The following SGIP1 variants were observed in gnomAD, a reference collection of about 807,000 sequenced individuals.
The protein encoded by SGIP1 is SH3-containing GRB2-like protein 3-interacting protein 1.
SGIP1 carries 38 observed loss-of-function variants against 107.5 expected under a neutral mutation model. That is an observed-to-expected ratio of 0.35 (90% CI 0.27 to 0.46). The LOEUF is 0.46. SGIP1 is among the 20% of genes least tolerant of loss of function. The pLI, the probability that SGIP1 is intolerant of heterozygous loss-of-function variation, is 1.00. For missense variants in SGIP1, 929 were observed against 1,019.5 expected (o/e 0.91, Z 1.21); for synonymous variants, 365 against 366.1 (o/e 1.00, Z 0.03).
In SGIP1 at chr1:66,629,228, C is replaced by T. The variant is rs538815755; in HGVS notation, c.74+3318C>T. ...CAGCACCAACTTCAGCTGATTGAAC[C>T]TCCTAAGATATACAGTGGGGTTAGG... On this transcript the variant is annotated intron_variant, in intron 2 of 24. Transcript: ENST00000371037. Among the ~76,000 whole-genome samples the T allele has an allele frequency of 8.5e-5, 13 of 152,282 alleles. No individual in the cohort carries two copies. The East Asian group carries it at 2.1e-3, about 25-fold the overall frequency.
At chr1:66,673,193 A>T in intron 11 of SGIP1, 88 bp from the exon 12 acceptor site, 1 of 1,366,818 alleles carries the variant, frequency 7.3e-7, no homozygotes, top group Non-Finnish European at 1.0e-6. Context: ...TTGTTTCACT[A>T]AGAAAAATAT....
intron 1 of SGIP1, among the ~76,000 whole-genome samples, chr1:66,573,434 T>C (rs1158510891): frequency 6.6e-6 from 1 of 152,174 alleles, no homozygotes; most frequent in African/African-American, 2.4e-5. Flanking sequence ...ATATAAATTA[T>C]TCTATCAGAA....
chr1:66,533,413 T>A (rs2052857590), upstream of SGIP1: 1 of 152,060 alleles, frequency 6.6e-6, no homozygotes, highest in Non-Finnish European at 1.5e-5. Flanking sequence ...CTCGGGTGGG[T>A]TCTTTTGTTT....
rs1403590179 is a variant in SGIP1, at chr1:66,690,144, T to G, written c.1444-46T>G. 2.5e-6 allele frequency: 4 copies of G among 1,605,844 alleles called. No individual in the cohort carries two copies. In the African/African-American group the frequency reaches 5.4e-5, roughly 22 times the overall value. ...CATTAAAAATATGGAGCAAAAATAC[T>G]GCAACCTGTGTATCTAACTTTTCAT... On this transcript the variant is annotated intron_variant, in intron 16 of 24. Coordinates refer to ENST00000371037, the MANE Select transcript of SGIP1 (RefSeq NM_032291.4).
chr1:66,694,250 A>T (rs964098084), intron 17 of SGIP1, among the ~76,000 whole-genome samples: 1 of 150,986 alleles, frequency 6.6e-6, no homozygotes, highest in Non-Finnish European at 1.5e-5. Flanking sequence ...ATTTCCTCTC[A>T]TAGAATCATC....
chr1:66,597,204 T>A (rs980379498), intron 1 of SGIP1, among the ~76,000 whole-genome samples: 18 of 152,162 alleles, frequency 1.2e-4, no homozygotes, highest in African/African-American at 3.9e-4. Context: ...CTTCTCTCTC[T>A]CCTCCCAACC....
chr1:66,623,179 T>C lies in SGIP1; in HGVS notation c.11-2668T>C, dbSNP rs187917452. On this transcript the variant is annotated intron_variant, in intron 1 of 24. Transcript: ENST00000371037. ...CTTACTTTCATAACTTCATTTGCTT[T>C]AGTCTTTCAGTTTTCTTCATATTTT... Among the ~76,000 whole-genome samples, 210 of 152,340 alleles carry C rather than the reference T, an allele frequency of 1.4e-3. 1 individual carries two copies. Among genetic ancestry groups the C allele is most frequent in the African/African-American group, 5.0e-3 (207 of 41,584 alleles).
intron 10 of SGIP1, among the ~76,000 whole-genome samples, chr1:66,671,481 A>C (rs944483390): frequency 2.0e-5 from 3 of 152,176 alleles, no homozygotes; most frequent in Non-Finnish European, 4.4e-5. Flanking sequence ...GCTGCATACA[A>C]CACTTCCTAG....
At chr1:66,604,000 T>G (rs1370426562) in intron 1 of SGIP1, among the ~76,000 whole-genome samples, 5 of 152,182 alleles carry the variant, frequency 3.3e-5, no homozygotes, top group Non-Finnish European at 5.9e-5. Flanking sequence ...ATTCCATAAT[T>G]GATCAGAGAA....
intron 5 of SGIP1, among the ~76,000 whole-genome samples, chr1:66,640,926 A>G (rs1326899854): frequency 6.6e-6 from 1 of 151,942 alleles, no homozygotes; most frequent in African/African-American, 2.4e-5. Context: ...GAAGCCAAAT[A>G]TGGGAGGCTG....
Position 66,750,538 on chromosome 1 carries a change from AC to A in SGIP1, c.*7444del, listed in dbSNP as rs2150844410. On this transcript the variant is annotated 3_prime_UTR_variant, in exon 25 of 25. Transcript: ENST00000371037. ...ACACTAAATTTCTTTTTAATCTTGT[AC>A]TAAGTACATAATTTCACAAAAATAC... Among the ~76,000 whole-genome samples, 1 of 152,336 alleles carries A rather than the reference AC, an allele frequency of 6.6e-6. No individual in the cohort carries two copies. The highest frequency in any genetic ancestry group is 1.9e-4 in the East Asian group (1 of 5,192).
At chr1:66,564,298 C>A (rs558762775) in intron 1 of SGIP1, among the ~76,000 whole-genome samples, 47 of 151,866 alleles carry the variant, frequency 3.1e-4, no homozygotes, top group South Asian at 8.3e-4. Context: ...CAGGCTCAGT[C>A]CATTGACTCT....
At position 66,682,311 on chromosome 1, in the gene SGIP1, C is replaced by T. The variant is rs2086909972; in HGVS notation, c.1257C>T (p.Tyr419=). ...CACCTCCCCCACCACCACCCACCTA[C>T]AGGACTGTGGTTTCGTCCCCCGGAC... ...ATPPPPPPPT[Y]RTVVSSPGPG... is the part of the protein sequence containing the mutation. The change falls in exon 15 of 25, where the codon TAC becomes TAT. Residue 419 remains tyrosine (Y), a synonymous_variant. Transcript: ENST00000371037. 1.2e-6 allele frequency: 2 copies of T among 1,614,076 alleles called. No homozygotes were observed. The highest frequency in any genetic ancestry group is 1.3e-5 in the African/African-American group (1 of 74,938).
chr1:66,613,112 T>G (rs2068382759), intron 1 of SGIP1, among the ~76,000 whole-genome samples: 1 of 152,238 alleles, frequency 6.6e-6, no homozygotes, highest in Non-Finnish European at 1.5e-5. Context: ...AATATAATTT[T>G]GTCTTTTGGT....
chr1:66,591,205 A>G (rs1353860711), intron 1 of SGIP1, among the ~76,000 whole-genome samples: 1 of 152,320 alleles, frequency 6.6e-6, no homozygotes, highest in East Asian at 1.9e-4. Flanking sequence ...GTCTGGAAAT[A>G]TCTTACCAAA....
At chr1:66,659,956 AAG>A (rs1557495584) in intron 7 of SGIP1, among the ~76,000 whole-genome samples, 656 of 29,874 alleles carry the variant, frequency 0.022, 84 homozygotes, top group East Asian at 0.085. Flanking sequence ...AAGAAAAAGA[AAG>A]AAAGAAAGAA....
chr1:66,617,353 A>T (rs1285844043), intron 1 of SGIP1, among the ~76,000 whole-genome samples: 2 of 152,160 alleles, frequency 1.3e-5, no homozygotes, highest in African/African-American at 4.8e-5. Flanking sequence ...CTCCATCTTA[A>T]CTGGTCTTAT....
intron 15 of SGIP1, among the ~76,000 whole-genome samples, chr1:66,688,570 C>T (rs975046564): frequency 7.2e-5 from 11 of 152,254 alleles, no homozygotes; most frequent in Non-Finnish European, 1.5e-4. Flanking sequence ...ACAAAGTATT[C>T]ATGCAACATC....
Position 66,671,274 on chromosome 1 carries a change from C to T in SGIP1, c.508+255C>T, listed in dbSNP as rs145872249. The stretch of plus-strand genomic sequence containing the variant: ...GCTATTTTCTTTCTATATTTGTCAA[C>T]TCTTGCTGTATTATTTAACTTTAGA... On this transcript the variant is annotated intron_variant, in intron 10 of 24. Coordinates refer to ENST00000371037, the MANE Select transcript of SGIP1 (RefSeq NM_032291.4). Among the ~76,000 whole-genome samples, 11 of 152,206 alleles carry T rather than the reference C, an allele frequency of 7.2e-5. No homozygotes were observed. In the East Asian group the frequency reaches 1.9e-3, roughly 27 times the overall value.
Sources: allele counts gnomAD v4.1 joint callset (sites outside exome capture counted in the v4.1 genomes callset), GRCh38; gene constraint gnomAD v4.1.1; transcripts MANE v1.5; gene names NCBI Gene and HGNC (gene_info 2026-07-23, HGNC 2026-07-21).